The following ANO6 variants were observed in gnomAD, a reference collection of about 807,000 sequenced individuals.
ANO6 encodes anoctamin 6, also known as anoctamin-6.
A neutral mutation model predicts 117.5 loss-of-function variants in ANO6; 106 were observed. The ratio of observed to expected loss-of-function variants is 0.90; its 90% CI spans 0.77 to 1.06. The LOEUF is 1.06. Ranked by LOEUF, ANO6 falls within the 50% of genes least tolerant of loss-of-function variation. The pLI, the probability that ANO6 is intolerant of heterozygous loss-of-function variation, is 0.00. For missense variants in ANO6, 955 were observed against 1,121.1 expected, an observed-to-expected ratio of 0.85 and a Z score of 2.12; for synonymous variants, 367 against 385.1, an observed-to-expected ratio of 0.95 and a Z score of 0.55.
intron 10 of ANO6, among the ~76,000 whole-genome samples, chr12:45,378,868 C>T (rs1340499465): frequency 1.3e-5 from 2 of 152,064 alleles, no homozygotes; most frequent in Non-Finnish European, 2.9e-5. Flanking sequence ...ATCTGCTACT[C>T]GTATAATAAC....
intron 1 of ANO6, among the ~76,000 whole-genome samples, chr12:45,217,861 G>A (rs1004738850): frequency 1.3e-5 from 2 of 152,178 alleles, no homozygotes; most frequent in Non-Finnish European, 2.9e-5. Context: ...CTTTTATGGT[G>A]AGCTGCACTG....
intron 7 of ANO6, among the ~76,000 whole-genome samples, chr12:45,353,462 C>T (rs970269794): frequency 1.3e-5 from 2 of 152,082 alleles, no homozygotes; most frequent in South Asian, 2.1e-4. Flanking sequence ...TTTTTATGTG[C>T]TCTTTTATTT....
At chr12:45,232,648 C>A (rs916872189) in intron 1 of ANO6, among the ~76,000 whole-genome samples, 4 of 152,186 alleles carry the variant, frequency 2.6e-5, no homozygotes, top group African/African-American at 9.6e-5. Flanking sequence ...CTCACAAGTC[C>A]AGTCGTACTC....
At chr12:45,319,947 T>C (rs1191160792) in intron 2 of ANO6, among the ~76,000 whole-genome samples, 1 of 152,212 alleles carries the variant, frequency 6.6e-6, no homozygotes, top group African/African-American at 2.4e-5. Flanking sequence ...TGTATTTCTG[T>C]GGGATTGGTG....
intron 1 of ANO6, among the ~76,000 whole-genome samples, chr12:45,235,938 A>G (rs1282980400): frequency 1.3e-5 from 2 of 152,222 alleles, no homozygotes; most frequent in Non-Finnish European, 2.9e-5. Context: ...AAGTTCTTCC[A>G]GGCAGCCTCC....
intron 1 of ANO6, among the ~76,000 whole-genome samples, chr12:45,293,729 G>GTTTTTTTTTTTTTTTTTTTTTT (rs138396024): frequency 4.1e-5 from 2 of 48,418 alleles, no homozygotes; most frequent in Non-Finnish European, 3.6e-5. Flanking sequence ...CCTGGCTAAT[G>GTTTTTTTTTTTTTTTTTTTTTT]TTTTTTTTTT....
chr12:45,378,003 C>T (rs956771205), intron 9 of ANO6, 50 bp from the exon 10 acceptor site: 1 of 1,512,100 alleles, frequency 6.6e-7, no homozygotes, highest in Non-Finnish European at 9.2e-7. Flanking sequence ...TTTACTGAAT[C>T]CTAATAAGTG....
intron 16 of ANO6, among the ~76,000 whole-genome samples, chr12:45,410,585 A>G (rs972988727): frequency 1.3e-5 from 2 of 152,216 alleles, no homozygotes; most frequent in South Asian, 2.1e-4. Context: ...AACAATTTAC[A>G]TGGTTTTTAT....
intron 3 of ANO6, among the ~76,000 whole-genome samples, chr12:45,345,370 T>C (rs1941101892): frequency 6.6e-6 from 1 of 152,210 alleles, no homozygotes; most frequent in African/African-American, 2.4e-5. Context: ...TTCTAGGCCC[T>C]GTGCATAGCA....
At chr12:45,299,775 C>A (rs1352137465) in intron 1 of ANO6, among the ~76,000 whole-genome samples, 1 of 152,026 alleles carries the variant, frequency 6.6e-6, no homozygotes, top group Non-Finnish European at 1.5e-5. Flanking sequence ...TTGCTTGAAC[C>A]CAGGAGGCAG....
intron 1 of ANO6, among the ~76,000 whole-genome samples, chr12:45,262,446 G>A (rs547622112): frequency 5.3e-5 from 8 of 150,068 alleles, no homozygotes; most frequent in African/African-American, 2.0e-4. Flanking sequence ...TTTTTGAGAC[G>A]GAGTTTCGCT....
chr12:45,367,168 G>C (rs1403353229), intron 8 of ANO6, among the ~76,000 whole-genome samples: 2 of 152,160 alleles, frequency 1.3e-5, no homozygotes, highest in Non-Finnish European at 2.9e-5. Flanking sequence ...TTTTAGTAGA[G>C]ACAGGGTTTT....
At chr12:45,239,507 A>AT (rs140604714) in intron 1 of ANO6, among the ~76,000 whole-genome samples, 4 of 148,668 alleles carry the variant, frequency 2.7e-5, no homozygotes, top group African/African-American at 9.8e-5. Context: ...GGATTCATTG[A>AT]TTTTTTTTTT....
chr12:45,286,597 A>G (rs1266715822), intron 1 of ANO6, among the ~76,000 whole-genome samples: 1 of 152,236 alleles, frequency 6.6e-6, no homozygotes, highest in African/African-American at 2.4e-5. Flanking sequence ...AACATTTAAT[A>G]AACTATCATC....
chr12:45,318,713 G>C (rs1183811850), intron 2 of ANO6, among the ~76,000 whole-genome samples: 1 of 152,070 alleles, frequency 6.6e-6, no homozygotes, highest in Admixed American at 6.5e-5. Flanking sequence ...ATTACCTTGG[G>C]CAGTATGGCC....
intron 3 of ANO6, among the ~76,000 whole-genome samples, chr12:45,342,782 A>G (rs1941017673): frequency 6.6e-6 from 1 of 152,208 alleles, no homozygotes; most frequent in Admixed American, 6.5e-5. Flanking sequence ...CACTGAAGTA[A>G]GGGCAGTAAT....
intron 2 of ANO6, among the ~76,000 whole-genome samples, chr12:45,314,476 C>T (rs56907126): frequency 8.0e-3 from 34 of 4,234 alleles, no homozygotes; most frequent in South Asian, 0.25. Flanking sequence ...ATTATATATA[C>T]ACACACACAC....
At chr12:45,427,096 G>A (rs1340486118) in intron 19 of ANO6, among the ~76,000 whole-genome samples, 1 of 151,932 alleles carries the variant, frequency 6.6e-6, no homozygotes, top group Non-Finnish European at 1.5e-5. Flanking sequence ...ACACTGCTCA[G>A]GCCAGAATCC....
At chr12:45,425,308 ATG>A in intron 19 of ANO6, among the ~76,000 whole-genome samples, 1 of 152,306 alleles carries the variant, frequency 6.6e-6, no homozygotes, top group East Asian at 1.9e-4. Flanking sequence ...TATGAAAGAG[ATG>A]TTAAGTGATA....
Sources: allele counts gnomAD v4.1 joint callset (sites outside exome capture counted in the v4.1 genomes callset), GRCh38; gene constraint gnomAD v4.1.1; transcripts MANE v1.5; gene names NCBI Gene and HGNC (gene_info 2026-07-23, HGNC 2026-07-21).